The following FRMD4A variants were observed in gnomAD, a reference collection of about 807,000 sequenced individuals.
FRMD4A encodes the protein FERM domain containing 4A.
In FRMD4A, 29 loss-of-function variants were observed where a neutral mutation model predicts 129.1. The ratio of observed to expected loss-of-function variants is 0.22; its 90% confidence interval spans 0.17 to 0.31. FRMD4A has a LOEUF of 0.31. Among genes scored for constraint, FRMD4A ranks in the 10% least tolerant of loss-of-function variants. The probability of loss-of-function intolerance (pLI) is 1.00; values close to 1 mark genes in which losing one functional copy is unlikely to be tolerated. For missense variants in FRMD4A, 1,272 were observed against 1,375.8 expected (o/e 0.92, Z 1.19); for synonymous variants, 634 against 571.6 (o/e 1.11, Z -1.56).
intron 2 of FRMD4A, among the ~76,000 whole-genome samples, chr10:14,265,204 G>A (rs979434063): frequency 5.9e-5 from 9 of 152,262 alleles, no homozygotes; most frequent in East Asian, 1.9e-4. Flanking sequence ...AGCCTTCCTC[G>A]TGCCAAGGTG....
intron 2 of FRMD4A, among the ~76,000 whole-genome samples, chr10:13,934,344 T>A (rs1427016645): frequency 1.3e-5 from 2 of 152,234 alleles, no homozygotes; most frequent in African/African-American, 4.8e-5. Flanking sequence ...TAGAGAAAAG[T>A]CTGAACTCTT....
chr10:13,916,112 C>T lies in FRMD4A; in HGVS notation c.46-57200G>A, dbSNP rs139990862. Among the ~76,000 whole-genome samples, 3 of 152,312 alleles carry T rather than the reference C, an allele frequency of 2.0e-5. No individual in the cohort carries two copies. The East Asian group carries it at 5.8e-4, about 29-fold the overall frequency. On this transcript the variant is annotated intron_variant, in intron 2 of 24. Coordinates refer to ENST00000357447, the MANE Select transcript of FRMD4A (RefSeq NM_018027.5). ...ACTGCAAAATCTCTCAAGATGGAAG[C>T]CAGTATCTCATCTATGAGCCCTGCT...
intron 2 of FRMD4A, among the ~76,000 whole-genome samples, chr10:14,259,312 AG>A (rs1844721362): frequency 6.6e-6 from 1 of 152,230 alleles, no homozygotes; most frequent in Admixed American, 6.5e-5. Context: ...ATCTCAAAAA[AG>A]TTAAAAGTGT....
intron 2 of FRMD4A, among the ~76,000 whole-genome samples, chr10:14,129,484 T>C (rs1207457664): frequency 2.1e-5 from 3 of 143,884 alleles, no homozygotes; most frequent in Non-Finnish European, 4.5e-5. Context: ...ACAGAGAGGG[T>C]CAATACCAGG....
intron 15 of FRMD4A, among the ~76,000 whole-genome samples, chr10:13,689,853 G>C (rs2085509114): frequency 1.3e-5 from 2 of 151,422 alleles, no homozygotes; most frequent in African/African-American, 4.9e-5. Context: ...GTGAGCCACT[G>C]TGCTGGGGTG....
chr10:13,693,739 G>C (rs1174971783), intron 15 of FRMD4A, 159 bp downstream of exon 15: 3 of 786,604 alleles, frequency 3.8e-6, no homozygotes, highest in African/African-American at 1.8e-5. Flanking sequence ...AGTTTTCTCA[G>C]ATTCGCATTT....
At chr10:14,240,583 G>T (rs1254043102) in intron 2 of FRMD4A, among the ~76,000 whole-genome samples, 1 of 152,054 alleles carries the variant, frequency 6.6e-6, no homozygotes, top group Non-Finnish European at 1.5e-5. Flanking sequence ...TGGAGATTCG[G>T]ATCCCCTCAC....
intron 2 of FRMD4A, chr10:14,074,527 C>T (rs1278654043): frequency 2.6e-5 from 4 of 152,204 alleles, no homozygotes. Context: ...ATTCCTGTGT[C>T]CTGGCGCAAT....
chr10:14,030,372 G>A (rs1833180349), intron 2 of FRMD4A, among the ~76,000 whole-genome samples: 1 of 152,194 alleles, frequency 6.6e-6, no homozygotes. Context: ...TACCTGCATA[G>A]GAACATTACA....
At chr10:14,322,780 C>A (rs1414198396) in intron 2 of FRMD4A, among the ~76,000 whole-genome samples, 2 of 152,164 alleles carry the variant, frequency 1.3e-5, no homozygotes, top group Non-Finnish European at 2.9e-5. Context: ...AGGCTAAATA[C>A]CGTATGTTCC....
At chr10:14,249,989 G>A (rs554145582) in intron 2 of FRMD4A, among the ~76,000 whole-genome samples, 4 of 152,208 alleles carry the variant, frequency 2.6e-5, no homozygotes, top group Non-Finnish European at 5.9e-5. Context: ...ATTTATTTGA[G>A]ACAGAGTTTT....
At chr10:14,115,302 C>G (rs1299544351) in intron 2 of FRMD4A, among the ~76,000 whole-genome samples, 1 of 152,234 alleles carries the variant, frequency 6.6e-6, no homozygotes, top group Non-Finnish European at 1.5e-5. Context: ...TTGATCACAA[C>G]TAATGCAAAA....
chr10:14,228,588 G>A (rs1050655660), intron 2 of FRMD4A, among the ~76,000 whole-genome samples: 15 of 152,192 alleles, frequency 9.9e-5, no homozygotes, highest in Non-Finnish European at 1.6e-4. Flanking sequence ...AGAAACAAGA[G>A]GGTGATATAG....
chr10:14,173,415 A>C (rs908061378), intron 2 of FRMD4A, among the ~76,000 whole-genome samples: 2 of 152,182 alleles, frequency 1.3e-5, no homozygotes, highest in Admixed American at 6.5e-5. Context: ...TCTAAATGTT[A>C]CAGGACCAAG....
rs147084995 is a variant in FRMD4A, at chr10:14,045,058, G to A, written c.46-186146C>T. Among the ~76,000 whole-genome samples the A allele has an allele frequency of 2.7e-4, 41 of 151,990 alleles. No individual in the cohort carries two copies. In the East Asian group the frequency reaches 5.2e-3, roughly 19 times the overall value. ...GCTGGGACTACAGGCACCCACCACC[G>A]TGCCCAGCTAATTTTGCTTATTTTT... is the stretch of plus-strand genomic sequence containing the variant. On this transcript the variant is annotated intron_variant, in intron 2 of 24. Transcript: ENST00000357447.
chr10:14,236,359 T>C lies in FRMD4A; in HGVS notation c.45+93699A>G, dbSNP rs1343436209. Among the ~76,000 whole-genome samples, 3 of 152,192 alleles carry C rather than the reference T, an allele frequency of 2.0e-5. No homozygotes were observed. In the East Asian group the frequency reaches 5.8e-4, roughly 29 times the overall value. On this transcript the variant is annotated intron_variant, in intron 2 of 24. Transcript: ENST00000357447. The stretch of plus-strand genomic sequence containing the variant: ...AAGGAAAGAGGTGTGATTGGAAGGA[T>C]TTGAAGAACTCATTGAACTGGGAGT...
chr10:14,073,789 GC>G (rs768467167), intron 2 of FRMD4A, among the ~76,000 whole-genome samples: 17 of 152,116 alleles, frequency 1.1e-4, no homozygotes, highest in Non-Finnish European at 1.9e-4. Flanking sequence ...ACTGGAGGTT[GC>G]CCTGTATAAA....
rs57479495 is a variant in FRMD4A, at chr10:13,713,856, T to TA, written c.760-6744dup. Among the ~76,000 whole-genome samples the TA allele has an allele frequency of 1.8e-3, 6 of 3,358 alleles. 1 individual carries two copies. The East Asian group carries it at 0.097, about 54-fold the overall frequency. The allele number at this position is 3,358 out of a possible 152,430, so 2.2% of individuals were successfully genotyped here. ...TATATGTAATATATATACACATATA[T>TA]ATAATATATATACATATATGTAATA... On this transcript the variant is annotated intron_variant, in intron 12 of 24. Coordinates refer to ENST00000357447, the MANE Select transcript of FRMD4A (RefSeq NM_018027.5).
rs549919992 is a variant in FRMD4A at position 14,008,390 on chromosome 10, C to T, written c.46-149478G>A. The T allele has an allele frequency of 8.8e-6, 9 of 1,025,140 alleles. No individual in the cohort carries two copies. In the African/African-American group the frequency reaches 1.4e-4, roughly 15 times the overall value. 63.5% of individuals were successfully genotyped at this position (1,025,140 alleles called of 1,614,324 possible). A position where few individuals can be genotyped will look rare whatever the true frequency, so the allele number is the denominator to read the frequency against. On this transcript the variant is annotated intron_variant, in intron 2 of 24. Transcript: ENST00000357447. ...CAGCCCAAGTTCTGCAACTTCAGCG[C>T]CCACGAAGCAGCATCTCTAGCTTTC...
Sources: allele counts gnomAD v4.1 joint callset (sites outside exome capture counted in the v4.1 genomes callset), GRCh38; gene constraint gnomAD v4.1.1; transcripts MANE v1.5; gene names NCBI Gene and HGNC (gene_info 2026-07-23, HGNC 2026-07-21).